Variants in WDR27 observed in about 807,000 individuals in gnomAD.
WDR27 encodes the protein WD repeat domain 27, also known as WD repeat-containing protein 27.
A neutral mutation model predicts 114.4 loss-of-function variants in WDR27; 100 were observed. That is an observed-to-expected ratio of 0.87 (90% confidence interval 0.74 to 1.03). WDR27 has a LOEUF of 1.03. WDR27 is among the 50% of genes least tolerant of loss of function. The probability of loss-of-function intolerance (pLI) is 0.00; values close to 1 mark genes in which losing one functional copy is unlikely to be tolerated. For missense variants in WDR27, 1,129 were observed against 1,092.9 expected, an observed-to-expected ratio of 1.03 and a Z score of -0.47; for synonymous variants, 449 against 423.1, an observed-to-expected ratio of 1.06 and a Z score of -0.75.
intron 25 of WDR27, among the ~76,000 whole-genome samples, chr6:169,553,929 A>T (rs150873728): frequency 3.3e-5 from 5 of 152,380 alleles, no homozygotes; most frequent in Admixed American, 2.6e-4. Context: ...GCCACAAATT[A>T]GGTCTATGAC....
chr6:169,677,446 T>C (rs1233210135), intron 2 of WDR27, among the ~76,000 whole-genome samples: 1 of 152,192 alleles, frequency 6.6e-6, no homozygotes, highest in Non-Finnish European at 1.5e-5. Context: ...TCTAACAACA[T>C]ACAATCATAA....
intron 25 of WDR27, among the ~76,000 whole-genome samples, chr6:169,466,399 G>A (rs1785588980): frequency 6.6e-6 from 1 of 152,200 alleles, no homozygotes; most frequent in Non-Finnish European, 1.5e-5. Context: ...GGTGGAAGGG[G>A]AAGCAAACAC....
intron 25 of WDR27, among the ~76,000 whole-genome samples, chr6:169,502,356 C>T (rs1791399611): frequency 1.3e-5 from 2 of 152,350 alleles, no homozygotes; most frequent in South Asian, 2.1e-4. Flanking sequence ...CGTACACGGA[C>T]GGTCCCTGTC....
chr6:169,685,154 A>T (rs920377941), intron 2 of WDR27, among the ~76,000 whole-genome samples: 4 of 152,148 alleles, frequency 2.6e-5, no homozygotes, highest in Non-Finnish European at 5.9e-5. Flanking sequence ...ACACCCCAGG[A>T]CCCATTCATA....
At chr6:169,437,495 G>A in the WDR27 span, among the ~76,000 whole-genome samples, 1 of 152,044 alleles carries the variant, frequency 6.6e-6, no homozygotes, top group South Asian at 2.1e-4. Context: ...CAAATTAGAA[G>A]TGTTATCTTC....
chr6:169,501,802 G>A (rs536102070), intron 25 of WDR27, among the ~76,000 whole-genome samples: 1 of 152,208 alleles, frequency 6.6e-6, no homozygotes, highest in Non-Finnish European at 1.5e-5. Context: ...CGACTGCCCT[G>A]CCTGGTGGAG....
In WDR27 at chr6:169,630,723, A is replaced by G. The variant is rs201043845; in HGVS notation, c.2223+2224T>C. On this transcript the variant is annotated intron_variant, in intron 21 of 25. Transcript: ENST00000448612. ...AGCCCGGCCAACATGGTGAAACTCC[A>G]TCTCTACTAAAAATACAAAAATTAG... is the stretch of plus-strand genomic sequence containing the variant. 2.0e-5 allele frequency among the ~76,000 whole-genome samples: 3 copies of G among 152,232 alleles called. No individual in the cohort carries two copies. The East Asian group carries it at 5.8e-4, about 29-fold the overall frequency.
intron 21 of WDR27, among the ~76,000 whole-genome samples, chr6:169,624,238 C>T (rs1198287423): frequency 1.4e-5 from 2 of 148,082 alleles, no homozygotes; most frequent in Non-Finnish European, 3.0e-5. Context: ...TCAGGTGTGC[C>T]ATGTGGGGCG....
chr6:169,669,582 T>C (rs1778165354), intron 4 of WDR27: 1 of 152,242 alleles, frequency 6.6e-6, no homozygotes, highest in African/African-American at 2.4e-5. Flanking sequence ...GTAGTTTTGT[T>C]ATAAATGGTG....
the WDR27 span, among the ~76,000 whole-genome samples, chr6:169,427,788 C>G: frequency 8.7e-6 from 1 of 115,132 alleles, no homozygotes; most frequent in Non-Finnish European, 1.8e-5. Context: ...TTCTTTGGAA[C>G]AAGTGAAGAC....
chr6:169,442,591 T>C, the WDR27 span, among the ~76,000 whole-genome samples: 1 of 152,234 alleles, frequency 6.6e-6, no homozygotes, highest in African/African-American at 2.4e-5. Flanking sequence ...TTTCCAGAAA[T>C]ATCTTGACTC....
chr6:169,457,253 C>G lies in WDR27; in HGVS notation c.*339G>C, dbSNP rs2115242951. On this transcript the variant is annotated 3_prime_UTR_variant, in exon 26 of 26. Transcript: ENST00000448612. ...ATTTTCACTGCCCAAAAGAAATTCT[C>G]TCTTTTTTCTTCCAACTCTAATTAT... 4.9e-6 allele frequency: 1 copy of G among 202,764 alleles called. No individual in the cohort carries two copies. Among genetic ancestry groups the G allele is most frequent in the East Asian group, 1.3e-4 (1 of 7,704 alleles). 12.6% of individuals were successfully genotyped at this position (202,764 alleles called of 1,614,324 possible). A position where few individuals can be genotyped will look rare whatever the true frequency, so the allele number is the denominator to read the frequency against.
chr6:169,600,831 C>T (rs1562665513), intron 23 of WDR27, among the ~76,000 whole-genome samples: 2 of 152,196 alleles, frequency 1.3e-5, no homozygotes, highest in African/African-American at 4.8e-5. Context: ...AACAATTCTA[C>T]GTCTGATTGG....
At chr6:169,454,096 C>G (rs954342500), downstream of WDR27, among the ~76,000 whole-genome samples, 1 of 152,062 alleles carries the variant, frequency 6.6e-6, no homozygotes, top group African/African-American at 2.4e-5. Flanking sequence ...CTAATGACGA[C>G]CTGAATCAAA....
intron 25 of WDR27, among the ~76,000 whole-genome samples, chr6:169,538,994 G>T (rs890348437): frequency 6.6e-6 from 1 of 152,090 alleles, no homozygotes; most frequent in Non-Finnish European, 1.5e-5. Flanking sequence ...TTATTTTGAA[G>T]ACAAATTTGA....
At chr6:169,432,930 T>C in the WDR27 span, among the ~76,000 whole-genome samples, 1 of 152,114 alleles carries the variant, frequency 6.6e-6, no homozygotes, top group Admixed American at 6.5e-5. Context: ...GAGGGAAAAT[T>C]TGGAACTTCC....
At chr6:169,426,582 A>T in the WDR27 span, 5 of 152,198 alleles carry the variant, frequency 3.3e-5, no homozygotes, top group African/African-American at 1.2e-4. Context: ...TACCGTGCCA[A>T]TTGAGTTCTG....
At chr6:169,449,979 C>T in the WDR27 span, among the ~76,000 whole-genome samples, 1 of 152,176 alleles carries the variant, frequency 6.6e-6, no homozygotes, top group Non-Finnish European at 1.5e-5. Context: ...TGAATAATTA[C>T]TCAATATTTT....
At position 169,623,189 on chromosome 6, in the gene WDR27, G is replaced by C. The variant is rs534751682; in HGVS notation, c.2224-9533C>G. 5.7e-4 allele frequency among the ~76,000 whole-genome samples: 86 copies of C among 152,176 alleles called. 1 individual carries two copies. The highest frequency in any genetic ancestry group is 2.0e-3 in the African/African-American group (83 of 41,538). ...ACCCGATCAATAAACTGGTTCAGCT[G>C]GTCGTGCGGCCCCCACCCAGGAACT... On this transcript the variant is annotated intron_variant, in intron 21 of 25. Coordinates refer to ENST00000448612, the MANE Select transcript of WDR27 (RefSeq NM_182552.5).
Sources: gnomAD v4.1 joint callset for allele counts (sites outside exome capture counted in the v4.1 genomes callset) on GRCh38, gnomAD v4.1.1 for gene constraint, MANE v1.5 for transcripts, NCBI Gene and HGNC (gene_info 2026-07-23, HGNC 2026-07-21) for gene names.